Variants in RBMS3 observed in about 807,000 individuals in gnomAD.
The protein encoded by RBMS3 is RNA binding motif single stranded interacting protein 3.
In RBMS3, 27 loss-of-function variants were observed where a neutral mutation model predicts 66.8. The ratio of observed to expected loss-of-function variants is 0.40; its 90% CI spans 0.30 to 0.56. RBMS3 has a LOEUF of 0.56. RBMS3 is among the 20% of genes least tolerant of loss of function. The pLI is 0.40. For missense variants in RBMS3, 513 were observed against 549.5 expected, an observed-to-expected ratio of 0.93 and a Z score of 0.66; for synonymous variants, 188 against 183.0, an observed-to-expected ratio of 1.03 and a Z score of -0.22.
At chr3:29,287,153 A>C (rs1230569076) in intron 1 of RBMS3, among the ~76,000 whole-genome samples, 1 of 152,124 alleles carries the variant, frequency 6.6e-6, no homozygotes, top group East Asian at 1.9e-4. Flanking sequence ...AAAATGTTGA[A>C]CTATTTTGGA....
At chr3:29,447,542 A>G (rs1292766921) in intron 2 of RBMS3, among the ~76,000 whole-genome samples, 1 of 152,172 alleles carries the variant, frequency 6.6e-6, no homozygotes, top group Non-Finnish European at 1.5e-5. Flanking sequence ...TTCTCTTTCT[A>G]CGAAGTGGAT....
intron 8 of RBMS3, 65 bp from the exon 9 acceptor site, chr3:29,897,314 G>A: frequency 7.1e-7 from 1 of 1,399,574 alleles, no homozygotes; most frequent in South Asian, 1.2e-5. Flanking sequence ...GTACTTGATA[G>A]CATTTGATTA....
intron 1 of RBMS3, among the ~76,000 whole-genome samples, chr3:29,338,846 C>T (rs558419046): frequency 6.6e-6 from 1 of 152,174 alleles, no homozygotes; most frequent in East Asian, 1.9e-4. Flanking sequence ...TTACTCCAGA[C>T]TTCTGATACG....
chr3:29,661,182 C>A (rs1576461553), intron 4 of RBMS3, among the ~76,000 whole-genome samples: 1 of 152,140 alleles, frequency 6.6e-6, no homozygotes, highest in East Asian at 1.9e-4. Flanking sequence ...AAGTTGCAAG[C>A]CTTCAACATA....
At chr3:29,998,264 G>A (rs1412939671) in intron 14 of RBMS3, among the ~76,000 whole-genome samples, 1 of 152,152 alleles carries the variant, frequency 6.6e-6, no homozygotes, top group Non-Finnish European at 1.5e-5. Flanking sequence ...TGAAATAAAA[G>A]AGGATACAAA....
In RBMS3 at chr3:30,006,821, T is replaced by C. The variant is rs1353252131; in HGVS notation, c.*2959T>C. On this transcript the variant is annotated 3_prime_UTR_variant, in exon 15 of 15. Transcript: ENST00000383767. ...GGCTAAGAGGTAGCTACCATGTGGC[T>C]AATGAATGTGCCTAGGTAACTTCCT... is the stretch of plus-strand genomic sequence containing the variant. 6.6e-6 allele frequency: 1 copy of C among 152,044 alleles called. No homozygotes were observed. The highest frequency in any genetic ancestry group is 1.5e-5 in the Non-Finnish European group (1 of 67,934). 9.4% of individuals were successfully genotyped at this position (152,044 alleles called of 1,614,324 possible). A position where few individuals can be genotyped will look rare whatever the true frequency, so the allele number is the denominator to read the frequency against.
chr3:29,915,149 T>C (rs2060607095), intron 10 of RBMS3, among the ~76,000 whole-genome samples: 1 of 127,494 alleles, frequency 7.8e-6, no homozygotes, highest in Admixed American at 7.4e-5. Flanking sequence ...TAGAATAGAG[T>C]GTTCCTAAAA....
chr3:29,846,047 AC>A (rs1470890021), intron 6 of RBMS3, among the ~76,000 whole-genome samples: 2 of 151,938 alleles, frequency 1.3e-5, no homozygotes, highest in East Asian at 3.9e-4. Flanking sequence ...ATAAGTAGTG[AC>A]CTTTTTGTCT....
At chr3:29,763,908 G>A (rs1055019080) in intron 6 of RBMS3, among the ~76,000 whole-genome samples, 5 of 152,006 alleles carry the variant, frequency 3.3e-5, no homozygotes, top group Admixed American at 2.6e-4. Context: ...AGACTAAGGC[G>A]ACTTCTTCCA....
intron 1 of RBMS3, among the ~76,000 whole-genome samples, chr3:29,421,116 AG>A (rs1483312451): frequency 2.8e-5 from 4 of 143,770 alleles, no homozygotes; most frequent in African/African-American, 7.9e-5. Flanking sequence ...CTGTCCCTAA[AG>A]AAAAAAAAAA....
At chr3:29,998,949 A>C (rs1271044668) in intron 14 of RBMS3, among the ~76,000 whole-genome samples, 1 of 152,160 alleles carries the variant, frequency 6.6e-6, no homozygotes, top group Admixed American at 6.5e-5. Flanking sequence ...GAGCTTCTGC[A>C]CAGCAAAAGA....
intron 12 of RBMS3, among the ~76,000 whole-genome samples, chr3:29,975,646 G>A (rs1021541448): frequency 1.2e-4 from 18 of 151,822 alleles, no homozygotes; most frequent in African/African-American, 4.4e-4. Flanking sequence ...AAATCATATA[G>A]TGAGATCCCT....
At chr3:29,359,327 C>T (rs2037418962) in intron 1 of RBMS3, among the ~76,000 whole-genome samples, 2 of 152,134 alleles carry the variant, frequency 1.3e-5, no homozygotes. Context: ...GTCATTGGTT[C>T]TGTTTATATG....
At chr3:29,305,475 G>T (rs1167887084) in intron 1 of RBMS3, among the ~76,000 whole-genome samples, 1 of 151,838 alleles carries the variant, frequency 6.6e-6, no homozygotes, top group Non-Finnish European at 1.5e-5. Context: ...CTGCCCCTCA[G>T]GTTTATGCCT....
chr3:29,648,285 T>TG (rs2050017765), intron 4 of RBMS3, among the ~76,000 whole-genome samples: 1 of 145,100 alleles, frequency 6.9e-6, no homozygotes, highest in African/African-American at 2.6e-5. Context: ...TTTTTTTTTT[T>TG]GCGACAGGGT....
intron 12 of RBMS3, among the ~76,000 whole-genome samples, chr3:29,969,241 C>G (rs1044234537): frequency 7.9e-5 from 12 of 152,156 alleles, no homozygotes; most frequent in African/African-American, 2.9e-4. Context: ...TTGGATAATT[C>G]TACCAGAGTT....
chr3:29,709,953 A>C (rs569000936), intron 4 of RBMS3, among the ~76,000 whole-genome samples: 1 of 152,344 alleles, frequency 6.6e-6, no homozygotes, highest in African/African-American at 2.4e-5. Flanking sequence ...TAAGTGAAGG[A>C]ATAGCTGAAA....
At chr3:29,649,130 C>T (rs1318745049) in intron 4 of RBMS3, among the ~76,000 whole-genome samples, 1 of 152,182 alleles carries the variant, frequency 6.6e-6, no homozygotes, top group South Asian at 2.1e-4. Context: ...TTTATAAGCA[C>T]TACTTTTTCC....
intron 4 of RBMS3, among the ~76,000 whole-genome samples, chr3:29,669,247 G>A (rs1480098339): frequency 1.3e-5 from 2 of 152,112 alleles, no homozygotes; most frequent in Non-Finnish European, 2.9e-5. Context: ...TCCCCTTACG[G>A]CTTTACCTCA....
Sources: gnomAD v4.1 joint callset for allele counts (sites outside exome capture counted in the v4.1 genomes callset) on GRCh38, gnomAD v4.1.1 for gene constraint, MANE v1.5 for transcripts, NCBI Gene and HGNC (gene_info 2026-07-23, HGNC 2026-07-21) for gene names.